Variants in PEBP4 observed in about 807,000 individuals in gnomAD.
The protein encoded by PEBP4 is phosphatidylethanolamine binding protein 4.
In PEBP4, 22 loss-of-function variants were observed where a neutral mutation model predicts 23.9. That is an observed-to-expected ratio of 0.92 (90% confidence interval 0.66 to 1.31). The LOEUF is 1.31. Ranked by LOEUF, PEBP4 falls within the 40% of genes most tolerant of loss-of-function variation. The pLI is 0.00. For synonymous variants in PEBP4, 112 were observed against 99.3 expected (o/e 1.13, Z -0.76); for missense variants, 324 against 281.7 (o/e 1.15, Z -1.07).
chr8:22,922,940 A>G (rs1279840307), intron 2 of PEBP4, among the ~76,000 whole-genome samples: 4 of 152,210 alleles, frequency 2.6e-5, no homozygotes, highest in Non-Finnish European at 5.9e-5. Flanking sequence ...CTAATGCTAC[A>G]TAAGGGACTG....
chr8:22,728,535 T>TCTTC (rs1181863213), intron 4 of PEBP4, among the ~76,000 whole-genome samples: 229 of 145,938 alleles, frequency 1.6e-3, no homozygotes, highest in Middle Eastern at 0.014. Flanking sequence ...CTTGCTTCTT[T>TCTTC]CTTCCTTCCT....
chr8:22,863,471 T>G (rs1453188225), intron 3 of PEBP4, among the ~76,000 whole-genome samples: 1 of 152,166 alleles, frequency 6.6e-6, no homozygotes, highest in African/African-American at 2.4e-5. Flanking sequence ...GTTTTCTGAT[T>G]TATGGTGAAG....
chr8:22,788,254 C>T (rs753238820), intron 4 of PEBP4, among the ~76,000 whole-genome samples: 19 of 152,008 alleles, frequency 1.2e-4, no homozygotes, highest in South Asian at 1.2e-3. Flanking sequence ...TAACTATCAC[C>T]GAGAAACCCC....
chr8:22,886,755 T>A (rs1242956605), intron 3 of PEBP4: 1 of 152,488 alleles, frequency 6.6e-6, no homozygotes, highest in Non-Finnish European at 1.5e-5. Context: ...TGAGATGGGG[T>A]GGCCCACCTG....
intron 3 of PEBP4, among the ~76,000 whole-genome samples, chr8:22,852,243 C>G (rs1244922554): frequency 1.3e-5 from 2 of 152,216 alleles, no homozygotes; most frequent in African/African-American, 4.8e-5. Context: ...TTTCAAACTC[C>G]TGCCCTCCAC....
rs1245013555 is a variant in PEBP4 at position 22,865,919 on chromosome 8, G to T, written c.259-48184C>A. Among the ~76,000 whole-genome samples, 2 of 152,002 alleles carry T rather than the reference G, an allele frequency of 1.3e-5. No homozygotes were observed. The highest frequency in any genetic ancestry group is 2.9e-5 in the Non-Finnish European group (2 of 67,964). The stretch of plus-strand genomic sequence containing the variant: ...AACCCACAGCTCCCACTCAGGACAC[G>T]CGCCTCGAGGTGTGGCCCGGCGCCG... On this transcript the variant is annotated intron_variant, in intron 3 of 6. Transcript: ENST00000256404. The surrounding 1 kb of genome is among the most constrained non-coding windows in gnomAD (Gnocchi z 6.9).
rs188135538 is a variant in PEBP4 at position 22,777,573 on chromosome 8, C to A, written c.357+40064G>T. 5.3e-5 allele frequency among the ~76,000 whole-genome samples: 8 copies of A among 152,278 alleles called. No individual in the cohort carries two copies. The East Asian group carries it at 7.7e-4, about 15-fold the overall frequency. The stretch of plus-strand genomic sequence containing the variant: ...CAGCCTGAGGTGGCCAGGACACTTA[C>A]CCCCTGGCTGCCAGCCTGCTCTAGC... On this transcript the variant is annotated intron_variant, in intron 4 of 6. Coordinates refer to ENST00000256404, the MANE Select transcript of PEBP4 (RefSeq NM_144962.3).
chr8:22,810,448 C>A (rs947215987), intron 4 of PEBP4, among the ~76,000 whole-genome samples: 1 of 152,152 alleles, frequency 6.6e-6, no homozygotes, highest in Non-Finnish European at 1.5e-5. Context: ...CCCCTCGCTT[C>A]CTAAGAGCAT....
chr8:22,930,334 G>A (rs556328425), upstream of PEBP4, among the ~76,000 whole-genome samples: 3 of 152,208 alleles, frequency 2.0e-5, no homozygotes, highest in East Asian at 1.9e-4. Context: ...TCAGATTCCT[G>A]TTATAAACAA....
chr8:22,843,039 G>A (rs895290195), intron 3 of PEBP4, among the ~76,000 whole-genome samples: 2 of 152,188 alleles, frequency 1.3e-5, no homozygotes, highest in Admixed American at 1.3e-4. Context: ...TGTTGGCCAG[G>A]CTGGTCTCGA....
intron 4 of PEBP4, among the ~76,000 whole-genome samples, chr8:22,799,434 G>T (rs1806335868): frequency 6.6e-6 from 1 of 152,266 alleles, no homozygotes; most frequent in Non-Finnish European, 1.5e-5. Context: ...CAATGGGGAA[G>T]ATAATTCGGG....
chr8:22,733,156 C>T (rs1804774536), intron 4 of PEBP4, among the ~76,000 whole-genome samples: 1 of 152,224 alleles, frequency 6.6e-6, no homozygotes, highest in Non-Finnish European at 1.5e-5. Flanking sequence ...AGATCTTTAG[C>T]CCCATTGGAC....
chr8:22,832,758 T>A (rs551165745), intron 3 of PEBP4, among the ~76,000 whole-genome samples: 1 of 152,340 alleles, frequency 6.6e-6, no homozygotes, highest in East Asian at 1.9e-4. Flanking sequence ...CTGTATTTTC[T>A]GATGCTGTGA....
intron 4 of PEBP4, among the ~76,000 whole-genome samples, chr8:22,733,372 T>A (rs1804780594): frequency 6.6e-6 from 1 of 152,142 alleles, no homozygotes; most frequent in African/African-American, 2.4e-5. Flanking sequence ...AGAGCTGCAT[T>A]TTCTGAGGTC....
At chr8:22,839,349 C>A (rs1438845156) in intron 3 of PEBP4, among the ~76,000 whole-genome samples, 2 of 151,890 alleles carry the variant, frequency 1.3e-5, no homozygotes, top group Non-Finnish European at 2.9e-5. Context: ...GGTGGCATGG[C>A]GGTGTCCTGC....
chr8:22,794,800 A>G (rs1249280008), intron 4 of PEBP4, among the ~76,000 whole-genome samples: 1 of 152,116 alleles, frequency 6.6e-6, no homozygotes, highest in Non-Finnish European at 1.5e-5. Flanking sequence ...GTATTTTCCT[A>G]TATTGAGATC....
intron 4 of PEBP4, among the ~76,000 whole-genome samples, chr8:22,759,666 G>C (rs1045032080): frequency 1.3e-5 from 2 of 152,174 alleles, no homozygotes; most frequent in African/African-American, 4.8e-5. Flanking sequence ...CAGGCCAAGG[G>C]GGTTGCAATC....
chr8:22,726,034 C>G (rs117251891), intron 5 of PEBP4, among the ~76,000 whole-genome samples: 1 of 97,984 alleles, frequency 1.0e-5, no homozygotes, highest in Non-Finnish European at 2.6e-5. Context: ...TGTGTGTGCA[C>G]GCGCATGTGC....
intron 4 of PEBP4, among the ~76,000 whole-genome samples, chr8:22,768,104 C>T (rs2128753679): frequency 6.6e-6 from 1 of 152,266 alleles, no homozygotes; most frequent in African/African-American, 2.4e-5. Context: ...CCTATGGTGC[C>T]TGTTGGAAAT....
Sources: gnomAD v4.1 joint callset for allele counts (sites outside exome capture counted in the v4.1 genomes callset) on GRCh38, gnomAD v4.1.1 for gene constraint, Gnocchi (gnomAD v3.1) non-coding constraint, MANE v1.5 for transcripts, NCBI Gene and HGNC (gene_info 2026-07-23, HGNC 2026-07-21) for gene names.